WASF3: variants seen among roughly 807,000 people sequenced by gnomAD.
WASF3 encodes actin-binding protein WASF3.
WASF3 carries 11 observed loss-of-function variants against 46.6 expected under a neutral mutation model. The observed-to-expected ratio is 0.24, with a 90% CI of 0.15 to 0.39. The LOEUF is 0.39. WASF3 is among the 10% of genes least tolerant of loss of function. WASF3 has a pLI of 1.00. For synonymous variants in WASF3, 242 were observed against 259.7 expected (o/e 0.93, Z 0.65); for missense variants, 576 against 669.8 (o/e 0.86, Z 1.55).
At chr13:26,624,597 T>C (rs1203312665) in intron 2 of WASF3, among the ~76,000 whole-genome samples, 1 of 150,816 alleles carries the variant, frequency 6.6e-6, no homozygotes, top group Non-Finnish European at 1.5e-5. Flanking sequence ...AAACAACTAA[T>C]AAGACAAACA....
chr13:26,566,225 A>T (rs1156334630), intron 1 of WASF3, among the ~76,000 whole-genome samples: 1 of 152,222 alleles, frequency 6.6e-6, no homozygotes, highest in African/African-American at 2.4e-5. Context: ...AATGAAAGTT[A>T]CAGATAGAGT....
At chr13:26,583,600 T>A (rs571523756) in intron 1 of WASF3, among the ~76,000 whole-genome samples, 1 of 152,340 alleles carries the variant, frequency 6.6e-6, no homozygotes, top group East Asian at 1.9e-4. Flanking sequence ...AAATTATGAA[T>A]TTGATTATAT....
At chr13:26,566,714 C>T (rs745654429) in intron 1 of WASF3, among the ~76,000 whole-genome samples, 5 of 152,196 alleles carry the variant, frequency 3.3e-5, no homozygotes, top group Admixed American at 6.5e-5. Flanking sequence ...TTTTTATAGA[C>T]CAGCACACAT....
At chr13:26,560,874 G>C (rs1879273380) in intron 1 of WASF3, among the ~76,000 whole-genome samples, 1 of 152,222 alleles carries the variant, frequency 6.6e-6, no homozygotes, top group Non-Finnish European at 1.5e-5. Flanking sequence ...GGATCTGAAA[G>C]GGGCCAGCAA....
In WASF3 at chr13:26,679,135, A is replaced by G. The variant is rs983820236; in HGVS notation, c.717-1919A>G. 6.6e-6 allele frequency among the ~76,000 whole-genome samples: 1 copy of G among 151,600 alleles called. No individual in the cohort carries two copies. Among genetic ancestry groups the G allele is most frequent in the Non-Finnish European group, 1.5e-5 (1 of 67,918 alleles). ...CCAGTCCTCTCTTCTGTAATAGGTG[A>G]TCACTGACCATCATGAGGCCTCGGG... On this transcript the variant is annotated intron_variant, in intron 7 of 9. Transcript: ENST00000335327. The surrounding 1 kb of genome is among the most constrained non-coding windows in gnomAD (Gnocchi z 4.8).
intron 1 of WASF3, among the ~76,000 whole-genome samples, chr13:26,594,443 C>T (rs565378304): frequency 2.0e-5 from 3 of 152,264 alleles, no homozygotes; most frequent in South Asian, 2.1e-4. Context: ...TGGGAGTGAT[C>T]GTCAGTTCCT....
rs71188739 is a variant in WASF3 at position 26,687,709 on chromosome 13, TTCTCTC to T, written c.*1874_*1879del. 2 of 140,468 alleles carry T rather than the reference TTCTCTC, an allele frequency of 1.4e-5. No individual in the cohort carries two copies. Among genetic ancestry groups the T allele is most frequent in the African/African-American group, 5.2e-5 (2 of 38,774 alleles). 8.7% of individuals were successfully genotyped at this position (140,468 alleles called of 1,614,324 possible). On this transcript the variant is annotated 3_prime_UTR_variant, in exon 10 of 10. Transcript: ENST00000335327. ...ATTAATGAACTTCTAAATTTCTAAT[TTCTCTC>T]TCTCTCTCTTTTTTTTTTTTTTGTT...
In WASF3 at chr13:26,563,266, C is replaced by T. The variant is rs145334815; in HGVS notation, c.-109+5447C>T. ...GTAGAGATGGTGTTTTGCTATGTTG[C>T]CCAAGCTGGTCTTGAACTCCTGGGC... On this transcript the variant is annotated intron_variant, in intron 1 of 9. Transcript: ENST00000335327. 3.1e-3 allele frequency among the ~76,000 whole-genome samples: 469 copies of T among 152,026 alleles called. 2 individuals are homozygous for T. The highest frequency in any genetic ancestry group is 0.011 in the African/African-American group (441 of 41,482).
chr13:26,640,335 G>A (rs1296264026), intron 2 of WASF3: 1 of 151,992 alleles, frequency 6.6e-6, no homozygotes, highest in African/African-American at 2.4e-5. Context: ...CTGGTTGTAT[G>A]ATTAGGAGGT....
At position 26,681,191 on chromosome 13, in the gene WASF3, A is replaced by T; in HGVS notation, c.854A>T (p.Glu285Val). ...CCTGCAAGCCAGGCTGCGGAGCATG[A>T]GTACCGGCCCCCATCTGCCTCGGCG... is the stretch of plus-strand genomic sequence containing the variant. Reference protein sequence around the residue: ...HGPASQAAEHEYRPPSASARH... With the variant: ...HGPASQAAEHVYRPPSASARH... Residue 285 changes from glutamate (E) to valine (V), a missense_variant, in exon 8 of 10, where the codon GAG becomes GTG. Physicochemically the swap from Glu to Val is moderately radical, Grantham distance 121 (BLOSUM62 -2). This residue lies in a region of WASF3 where 295 missense variants were observed against 291.5 expected (regional missense o/e 1.01). Transcript: ENST00000335327. The T allele has an allele frequency of 1.9e-6, 3 of 1,614,088 alleles. No homozygotes were observed. Among genetic ancestry groups the T allele is most frequent in the Non-Finnish European group, 2.5e-6 (3 of 1,180,000 alleles).
chr13:26,539,612 G>T, the WASF3 span, among the ~76,000 whole-genome samples: 1 of 152,002 alleles, frequency 6.6e-6, no homozygotes, highest in Admixed American at 6.6e-5. Flanking sequence ...GTGATTTATA[G>T]TTGCTAGAAC....
intron 4 of WASF3, 113 bp downstream of exon 4, chr13:26,665,275 T>A: frequency 7.6e-7 from 1 of 1,309,144 alleles, no homozygotes; most frequent in Non-Finnish European, 1.0e-6. Flanking sequence ...TATTTCATCT[T>A]GTCTTTCCTA....
At chr13:26,567,836 TAAAG>T (rs1879517003) in intron 1 of WASF3, among the ~76,000 whole-genome samples, 3 of 152,154 alleles carry the variant, frequency 2.0e-5, no homozygotes, top group South Asian at 2.1e-4. Flanking sequence ...TATATATATA[TAAAG>T]AAAGCGAAGC....
the WASF3 span, among the ~76,000 whole-genome samples, chr13:26,549,647 G>T: frequency 4.1e-4 from 63 of 152,300 alleles, no homozygotes; most frequent in African/African-American, 1.3e-3. Context: ...AACTTCTGGT[G>T]CCTTAGATGA....
chr13:26,650,750 A>G (rs1041626610), intron 3 of WASF3, among the ~76,000 whole-genome samples: 3 of 152,238 alleles, frequency 2.0e-5, no homozygotes, highest in African/African-American at 7.2e-5. Flanking sequence ...AATTCATCTG[A>G]TGGACCTAAT....
At chr13:26,642,603 G>C (rs922929006) in intron 3 of WASF3, among the ~76,000 whole-genome samples, 200 bp downstream of exon 3, 1 of 152,146 alleles carries the variant, frequency 6.6e-6, no homozygotes, top group Non-Finnish European at 1.5e-5. Context: ...AAGATGTGAT[G>C]CTCTTACCAA....
intron 1 of WASF3, among the ~76,000 whole-genome samples, chr13:26,595,875 A>C (rs756899443): frequency 6.6e-6 from 1 of 152,200 alleles, no homozygotes; most frequent in Non-Finnish European, 1.5e-5. Context: ...GATATACCAG[A>C]GTTGGTTCAA....
chr13:26,681,271 G>A lies in WASF3; in HGVS notation c.934G>A (p.Ala312Thr), dbSNP rs1358281314. Residue 312 changes from alanine to threonine, a missense_variant, in exon 8 of 10, where the codon GCC (alanine) becomes ACC (threonine). By Grantham distance (58) the Ala-to-Thr change is moderately conservative. Transcript: ENST00000335327. The stretch of plus-strand genomic sequence containing the variant: ...GCCGCCCCCCCCGCCTCCCCCTCAG[G>A]CCCCAGAGGGGTCCCAGGCCTCTGC... ...QQPPPPPPPQ[A>T]PEGSQASAPM... 1 of 1,612,808 alleles carries A rather than the reference G, an allele frequency of 6.2e-7. No individual in the cohort carries two copies. Among genetic ancestry groups the A allele is most frequent in the African/African-American group, 1.3e-5 (1 of 74,896 alleles).
chr13:26,562,701 G>A (rs1378167077), intron 1 of WASF3, among the ~76,000 whole-genome samples: 1 of 151,974 alleles, frequency 6.6e-6, no homozygotes, highest in East Asian at 1.9e-4. Context: ...ATCTTGGTGA[G>A]GAGTCTGTGG....
Sources: allele counts gnomAD v4.1 joint callset (sites outside exome capture counted in the v4.1 genomes callset), GRCh38; gene constraint gnomAD v4.1.1; regional missense constraint gnomAD v4.1.1; non-coding constraint Gnocchi (gnomAD v3.1); transcripts MANE v1.5; gene names NCBI Gene and HGNC (gene_info 2026-07-23, HGNC 2026-07-21).